RAI14: variants seen among roughly 807,000 people sequenced by gnomAD.
The protein encoded by RAI14 is retinoic acid induced 14.
A neutral mutation model predicts 115.4 loss-of-function variants in RAI14; 45 were observed. The ratio of observed to expected loss-of-function variants is 0.39; its 90% CI spans 0.31 to 0.50. The LOEUF is 0.50. Ranked by LOEUF, RAI14 falls within the 20% of genes least tolerant of loss-of-function variation. The pLI, the probability that RAI14 is intolerant of heterozygous loss-of-function variation, is 0.85. For missense variants in RAI14, 939 were observed against 1,131.2 expected (o/e 0.83, Z 2.44); for synonymous variants, 371 against 415.4 (o/e 0.89, Z 1.30).
intron 2 of RAI14, chr5:34,757,198 A>G: frequency 2.0e-6 from 1 of 493,842 alleles, no homozygotes; most frequent in South Asian, 1.6e-5. Flanking sequence ...GTTGCTTCAT[A>G]TTCCTAGTGT....
At chr5:34,753,717 C>T (rs923997089) in intron 2 of RAI14, among the ~76,000 whole-genome samples, 1 of 152,138 alleles carries the variant, frequency 6.6e-6, no homozygotes, top group Non-Finnish European at 1.5e-5. Context: ...CGCTCAAGAC[C>T]ATCCTGGCTA....
chr5:34,717,709 G>C (rs1742165900), intron 2 of RAI14, among the ~76,000 whole-genome samples: 1 of 152,042 alleles, frequency 6.6e-6, no homozygotes. Flanking sequence ...CTGGCTGAGG[G>C]GTGGCTCTGT....
intron 2 of RAI14, among the ~76,000 whole-genome samples, chr5:34,719,221 A>G (rs776740699): frequency 6.6e-6 from 1 of 152,126 alleles, no homozygotes; most frequent in Middle Eastern, 3.2e-3. Flanking sequence ...CTAAGACCTT[A>G]ACTGAGGCTT....
At chr5:34,752,301 A>G (rs993487474) in intron 2 of RAI14, among the ~76,000 whole-genome samples, 9 of 152,224 alleles carry the variant, frequency 5.9e-5, no homozygotes, top group African/African-American at 2.2e-4. Context: ...ATATTTGCTA[A>G]GTCGAGAGTG....
Position 34,824,176 on chromosome 5 carries a change from T to A in RAI14, c.2334T>A (p.Ala778=). The change falls in exon 15 of 18, where the codon GCT becomes GCA. Residue 778 remains alanine, a synonymous_variant. Transcript: ENST00000265109. ...LEKQLLEEKA[A]MTDAMVPRSS... Reference sequence around the variant, plus strand: ...AACAACTCTTAGAAGAGAAAGCTGCTATGACTGATGCAATGGTACCTCGGT... The same window carrying A: ...AACAACTCTTAGAAGAGAAAGCTGCAATGACTGATGCAATGGTACCTCGGT... 6.2e-7 allele frequency: 1 copy of A among 1,614,168 alleles called. No homozygotes were observed. Among genetic ancestry groups the A allele is most frequent in the East Asian group, 2.2e-5 (1 of 44,876 alleles).
At chr5:34,690,790 T>C (rs1440142684) in intron 2 of RAI14, among the ~76,000 whole-genome samples, 1 of 152,236 alleles carries the variant, frequency 6.6e-6, no homozygotes, top group Non-Finnish European at 1.5e-5. Context: ...TAACCTTTTT[T>C]ACTTCGCATT....
intron 1 of RAI14, among the ~76,000 whole-genome samples, chr5:34,677,450 C>T (rs954867304): frequency 2.0e-5 from 3 of 151,836 alleles, no homozygotes; most frequent in Admixed American, 2.0e-4. Flanking sequence ...CACACCTGGC[C>T]GTTTCTTTTT....
chr5:34,672,180 G>A (rs988248404), intron 1 of RAI14, among the ~76,000 whole-genome samples: 2 of 152,250 alleles, frequency 1.3e-5, no homozygotes, highest in South Asian at 4.1e-4. Context: ...AAAACTGAAT[G>A]ATTTTGTAGG....
Position 34,774,101 on chromosome 5 carries a change from C to T in RAI14, c.167+16503C>T, listed in dbSNP as rs1020462333. 1.9e-4 allele frequency among the ~76,000 whole-genome samples: 29 copies of T among 152,154 alleles called. 1 individual carries two copies. The highest frequency in any genetic ancestry group is 1.3e-4 in the Non-Finnish European group (9 of 67,998). On this transcript the variant is annotated intron_variant, in intron 3 of 17. Coordinates refer to ENST00000265109, the MANE Select transcript of RAI14 (RefSeq NM_015577.3). ...GGCGCAGTGGCCCACATCTGTAATC[C>T]CAGCAGTTTGGGAGGCTGAGGTGGG... is the stretch of plus-strand genomic sequence containing the variant.
intron 2 of RAI14, among the ~76,000 whole-genome samples, chr5:34,688,817 A>G (rs1464942285): frequency 1.3e-5 from 2 of 152,238 alleles, no homozygotes; most frequent in African/African-American, 4.8e-5. Context: ...TTAATCAACC[A>G]TATGATAATA....
intron 3 of RAI14, among the ~76,000 whole-genome samples, chr5:34,762,381 T>C (rs931737269): frequency 1.3e-4 from 20 of 152,082 alleles, no homozygotes; most frequent in Non-Finnish European, 2.6e-4. Context: ...ACAGACGTTC[T>C]CCAGAAGCCT....
chr5:34,708,580 A>C (rs1363266346), intron 2 of RAI14, among the ~76,000 whole-genome samples: 1 of 152,206 alleles, frequency 6.6e-6, no homozygotes, highest in East Asian at 1.9e-4. Context: ...TCAACTAATT[A>C]GCCTGCGTCT....
chr5:34,723,656 C>T (rs1743087998), intron 2 of RAI14, among the ~76,000 whole-genome samples: 2 of 152,088 alleles, frequency 1.3e-5, no homozygotes, highest in Non-Finnish European at 2.9e-5. Flanking sequence ...TCTGGGCCTA[C>T]GTTATATAAG....
intron 1 of RAI14, among the ~76,000 whole-genome samples, chr5:34,672,891 C>T (rs1212265914): frequency 6.6e-6 from 1 of 151,960 alleles, no homozygotes; most frequent in Non-Finnish European, 1.5e-5. Context: ...TTGTTTCTGC[C>T]TATCCTGAAG....
At chr5:34,819,442 C>A (rs2150286739) in intron 13 of RAI14, among the ~76,000 whole-genome samples, 1 of 152,300 alleles carries the variant, frequency 6.6e-6, no homozygotes, top group South Asian at 2.1e-4. Flanking sequence ...CCCACCATGC[C>A]ACCTCCATGA....
chr5:34,675,507 C>T (rs776717271), intron 1 of RAI14, among the ~76,000 whole-genome samples: 1 of 152,216 alleles, frequency 6.6e-6, no homozygotes, highest in Non-Finnish European at 1.5e-5. Flanking sequence ...AATCCCAGCA[C>T]TTTGGGAGGC....
chr5:34,672,865 G>GTC (rs1190611536), intron 1 of RAI14, among the ~76,000 whole-genome samples: 3 of 149,434 alleles, frequency 2.0e-5, no homozygotes, highest in African/African-American at 7.4e-5. Context: ...CTTCCCCACC[G>GTC]TCTGTCCTTC....
chr5:34,705,491 A>G (rs1223416392), intron 2 of RAI14, among the ~76,000 whole-genome samples: 1 of 152,180 alleles, frequency 6.6e-6, no homozygotes, highest in African/African-American at 2.4e-5. Context: ...TCTCTTGGAT[A>G]GCACTATGTT....
At chr5:34,790,966 A>G (rs338276) in intron 3 of RAI14, among the ~76,000 whole-genome samples, 79,382 of 151,850 alleles carry the variant, frequency 0.52, 21,168 homozygotes, top group Non-Finnish European at 0.57. Context: ...AAGTAATTCC[A>G]TTAGAGTCTG....
Sources: allele counts gnomAD v4.1 joint callset (sites outside exome capture counted in the v4.1 genomes callset), GRCh38; gene constraint gnomAD v4.1.1; transcripts MANE v1.5; gene names NCBI Gene and HGNC (gene_info 2026-07-23, HGNC 2026-07-21).